GPC5: variants seen among roughly 807,000 people sequenced by gnomAD.
GPC5 encodes glypican-5.
In GPC5, 47 loss-of-function variants were observed where a neutral mutation model predicts 53.9. That is an observed-to-expected ratio of 0.87 (90% CI 0.69 to 1.11). The LOEUF (loss-of-function observed/expected upper bound fraction) is 1.11, where lower values mean the gene tolerates loss of function less well. GPC5 is among the 50% of genes most tolerant of loss of function. The pLI is 0.00. For synonymous variants in GPC5, 286 were observed against 263.3 expected (o/e 1.09, Z -0.84); for missense variants, 748 against 713.1 (o/e 1.05, Z -0.56).
At chr13:92,072,318 G>T (rs972098594) in intron 6 of GPC5, among the ~76,000 whole-genome samples, 40 of 151,536 alleles carry the variant, frequency 2.6e-4, no homozygotes, top group Non-Finnish European at 5.7e-4. Flanking sequence ...CCAGGCTGGA[G>T]TGCAGTGGTA....
intron 7 of GPC5, among the ~76,000 whole-genome samples, chr13:92,341,595 T>C (rs1348962722): frequency 6.6e-6 from 1 of 152,056 alleles, no homozygotes; most frequent in African/African-American, 2.4e-5. Context: ...GAGTTGCTGA[T>C]GTAGTAAAAT....
At chr13:92,123,809 TAAA>T (rs986321043) in intron 6 of GPC5, among the ~76,000 whole-genome samples, 2 of 152,196 alleles carry the variant, frequency 1.3e-5, no homozygotes, top group Non-Finnish European at 2.9e-5. Context: ...AAACAGATAT[TAAA>T]AATTAATTCA....
chr13:92,370,704 G>A lies in GPC5; in HGVS notation c.1561+225715G>A, dbSNP rs188534906. Among the ~76,000 whole-genome samples, 386 of 152,200 alleles carry A rather than the reference G, an allele frequency of 2.5e-3. 3 individuals carry two copies. Among genetic ancestry groups the A allele is most frequent in the Middle Eastern group, 0.014 (4 of 294 alleles). On this transcript the variant is annotated intron_variant, in intron 7 of 7. Coordinates refer to ENST00000377067, the MANE Select transcript of GPC5 (RefSeq NM_004466.6). ...TTTTAGAAGGCAACTACTGTACATAGTACATTGAATGTATCATGACTTTAC... is the reference window on the plus strand; with the variant it reads ...TTTTAGAAGGCAACTACTGTACATAATACATTGAATGTATCATGACTTTAC...
At chr13:92,455,099 T>C (rs1292280016) in intron 7 of GPC5, among the ~76,000 whole-genome samples, 1 of 152,132 alleles carries the variant, frequency 6.6e-6, no homozygotes, top group Non-Finnish European at 1.5e-5. Flanking sequence ...GCCTCATTTT[T>C]CCCACCCAGG....
chr13:92,742,067 C>A (rs1889112793), intron 7 of GPC5, among the ~76,000 whole-genome samples: 1 of 151,724 alleles, frequency 6.6e-6, no homozygotes, highest in Non-Finnish European at 1.5e-5. Flanking sequence ...GTCTTTATAG[C>A]AGCATGATTT....
At chr13:91,875,826 A>G (rs2039195866) in intron 5 of GPC5, among the ~76,000 whole-genome samples, 1 of 152,250 alleles carries the variant, frequency 6.6e-6, no homozygotes, top group Non-Finnish European at 1.5e-5. Context: ...ACATAGCTAC[A>G]GTGCATTGTC....
At chr13:91,634,015 T>C (rs2034223987) in intron 2 of GPC5, among the ~76,000 whole-genome samples, 1 of 152,144 alleles carries the variant, frequency 6.6e-6, no homozygotes, top group Non-Finnish European at 1.5e-5. Context: ...AGCACACATT[T>C]GCTCTCCATC....
intron 7 of GPC5, among the ~76,000 whole-genome samples, chr13:92,682,575 AT>A (rs765109482): frequency 7.2e-5 from 11 of 152,214 alleles, no homozygotes; most frequent in Non-Finnish European, 1.2e-4. Flanking sequence ...CTAGAAGATA[AT>A]GGAAGCATAA....
intron 1 of GPC5, among the ~76,000 whole-genome samples, chr13:91,413,367 T>C (rs1243447404): frequency 3.3e-5 from 5 of 151,008 alleles, no homozygotes; most frequent in African/African-American, 4.8e-5. Context: ...AAAAAAAAAC[T>C]ACTTACATAT....
At position 91,582,205 on chromosome 13, in the gene GPC5, A is replaced by C. The variant is rs1306702012; in HGVS notation, c.326-110982A>C. ...ATCTTGTCCTTAGGTGTAAGCTAATAGTAGAAATAAAGTGTTTCTCCTTGG... is the reference window on the plus strand; with the variant it reads ...ATCTTGTCCTTAGGTGTAAGCTAATCGTAGAAATAAAGTGTTTCTCCTTGG... On this transcript the variant is annotated intron_variant, in intron 2 of 7. Transcript: ENST00000377067. Among the ~76,000 whole-genome samples, 3 of 152,216 alleles carry C rather than the reference A, an allele frequency of 2.0e-5. No individual in the cohort carries two copies. In the East Asian group the frequency reaches 5.8e-4, roughly 29 times the overall value.
chr13:91,851,126 C>T (rs949593736), intron 5 of GPC5, among the ~76,000 whole-genome samples: 2 of 152,042 alleles, frequency 1.3e-5, no homozygotes, highest in African/African-American at 2.4e-5. Flanking sequence ...TGAGCTGATA[C>T]CTGGCAAGTA....
chr13:91,861,166 C>T (rs962492223), intron 5 of GPC5, among the ~76,000 whole-genome samples: 1 of 152,058 alleles, frequency 6.6e-6, no homozygotes, highest in Non-Finnish European at 1.5e-5. Flanking sequence ...TTTCAATACA[C>T]AAGAAAACAA....
At chr13:91,431,087 C>T (rs1879412737) in intron 1 of GPC5, among the ~76,000 whole-genome samples, 1 of 152,098 alleles carries the variant, frequency 6.6e-6, no homozygotes, top group African/African-American at 2.4e-5. Context: ...CCATGCTGCC[C>T]AGGTTGGTCT....
intron 7 of GPC5, among the ~76,000 whole-genome samples, chr13:92,761,087 T>A (rs1039770636): frequency 6.6e-6 from 1 of 152,280 alleles, no homozygotes; most frequent in East Asian, 1.9e-4. Flanking sequence ...CTATCTTGTT[T>A]TATGTGCACT....
intron 6 of GPC5, among the ~76,000 whole-genome samples, chr13:92,117,924 A>T (rs2041613679): frequency 6.6e-6 from 1 of 152,066 alleles, no homozygotes; most frequent in Non-Finnish European, 1.5e-5. Flanking sequence ...TCTGATGTGG[A>T]TGTTGCTGAT....
intron 7 of GPC5, among the ~76,000 whole-genome samples, chr13:92,699,252 T>A (rs1457787162): frequency 6.6e-6 from 1 of 152,174 alleles, no homozygotes; most frequent in Non-Finnish European, 1.5e-5. Context: ...TAGTTTTTAT[T>A]TCTGTTGGAT....
At chr13:92,299,554 A>G (rs994778697) in intron 7 of GPC5, among the ~76,000 whole-genome samples, 13 of 152,358 alleles carry the variant, frequency 8.5e-5, no homozygotes, top group African/African-American at 2.9e-4. Flanking sequence ...TATTTCTGTC[A>G]TTACAAAAAA....
chr13:91,485,131 C>T (rs1883519471), intron 2 of GPC5, among the ~76,000 whole-genome samples: 1 of 151,940 alleles, frequency 6.6e-6, no homozygotes, highest in South Asian at 2.1e-4. Flanking sequence ...TTTTGAGAAA[C>T]ACTGTTCTAG....
chr13:91,650,537 A>AGT (rs2034674223), intron 2 of GPC5, among the ~76,000 whole-genome samples: 1 of 134,726 alleles, frequency 7.4e-6, no homozygotes, highest in African/African-American at 4.0e-5. Context: ...AAACAAAATG[A>AGT]AAACAAAACA....
Sources: gnomAD v4.1 joint callset for allele counts (sites outside exome capture counted in the v4.1 genomes callset) on GRCh38, gnomAD v4.1.1 for gene constraint, MANE v1.5 for transcripts, NCBI Gene and HGNC (gene_info 2026-07-23, HGNC 2026-07-21) for gene names.